Variants in ANAPC7 observed in about 807,000 individuals in gnomAD.
The protein encoded by ANAPC7 is anaphase promoting complex subunit 7.
Under a neutral mutation model 63.3 loss-of-function variants are expected in ANAPC7, and 25 were observed. The observed-to-expected ratio is 0.39, with a 90% CI of 0.29 to 0.55. The LOEUF is 0.55. Ranked by LOEUF, ANAPC7 falls within the 20% of genes least tolerant of loss-of-function variation. ANAPC7 has a pLI of 0.57. For missense variants in ANAPC7, 516 were observed against 691.7 expected (o/e 0.75, Z 2.85); for synonymous variants, 241 against 251.7 (o/e 0.96, Z 0.40).
In ANAPC7 at chr12:110,396,257, T is replaced by G; in HGVS notation, c.288+9A>C. On this transcript the variant is annotated intron_variant, in intron 2 of 10. Transcript: ENST00000455511. Reference sequence around the variant, plus strand: ...AAAAAAAAAAAATCACAATTCTATCTCCAATTACCTGACTTTGTGGAGTAG... The same window carrying G: ...AAAAAAAAAAAATCACAATTCTATCGCCAATTACCTGACTTTGTGGAGTAG... 1 of 1,566,058 alleles carries G rather than the reference T, an allele frequency of 6.4e-7. No homozygotes were observed. The highest frequency in any genetic ancestry group is 2.2e-5 in the East Asian group (1 of 44,530).
intron 8 of ANAPC7, among the ~76,000 whole-genome samples, chr12:110,380,856 T>C (rs1424548340): frequency 6.6e-6 from 1 of 150,846 alleles, no homozygotes; most frequent in Non-Finnish European, 1.5e-5. Context: ...GAGAATGGCA[T>C]TAACCCGGGA....
chr12:110,382,967 G>C lies in ANAPC7; in HGVS notation c.818-7C>G. On this transcript the variant is annotated splice_region_variant and splice_polypyrimidine_tract_variant and intron_variant, in intron 6 of 10. Transcript: ENST00000455511. ...TAGCCATATACATCCATTCCTAGAA[G>C]AGAAGGACATAGTGAGAAGAGGTGT... 1 of 1,607,356 alleles carries C rather than the reference G, an allele frequency of 6.2e-7. No individual in the cohort carries two copies. The highest frequency in any genetic ancestry group is 2.2e-5 in the East Asian group (1 of 44,764).
intron 9 of ANAPC7, 148 bp from the exon 10 acceptor site, chr12:110,376,364 A>C (rs901009986): frequency 9.3e-6 from 8 of 858,374 alleles, no homozygotes; most frequent in Non-Finnish European, 1.2e-5. Context: ...TCAGTTAAGA[A>C]ATTTTCCATC....
intron 8 of ANAPC7, 56 bp downstream of exon 8, chr12:110,381,696 G>C (rs1881857081): frequency 6.4e-7 from 1 of 1,554,100 alleles, no homozygotes; most frequent in Non-Finnish European, 8.8e-7. Flanking sequence ...CCTTCCATCT[G>C]AGGGCTGCTG....
chr12:110,373,980 A>T lies in ANAPC7; in HGVS notation c.*164T>A, dbSNP rs1309040709. On this transcript the variant is annotated 3_prime_UTR_variant, in exon 11 of 11. Coordinates refer to ENST00000455511, the MANE Select transcript of ANAPC7 (RefSeq NM_016238.3). ...TGGAAGGTTGGTCAGGCTCTGTTTT[A>T]GAAATGAAGTCACGACTAGGAATTG... The T allele has an allele frequency of 2.7e-6, 2 of 738,682 alleles. No individual in the cohort carries two copies. Among genetic ancestry groups the T allele is most frequent in the Admixed American group, 3.2e-5 (1 of 30,878 alleles). 45.8% of individuals were successfully genotyped at this position (738,682 alleles called of 1,614,324 possible). A position where few individuals can be genotyped will look rare whatever the true frequency, so the allele number is the denominator to read the frequency against.
chr12:110,382,461 A>AAATATATAT (rs1555289541), intron 7 of ANAPC7, among the ~76,000 whole-genome samples: 1 of 30,846 alleles, frequency 3.2e-5, no homozygotes, highest in Non-Finnish European at 6.1e-5. Context: ...AAAAAAAAAA[A>AAATATATAT]ATATATATAT....
intron 1 of ANAPC7, among the ~76,000 whole-genome samples, chr12:110,399,778 G>C (rs1483139044): frequency 7.2e-6 from 1 of 138,588 alleles, no homozygotes; most frequent in Non-Finnish European, 1.5e-5. Flanking sequence ...TGACGAGAGA[G>C]AGACTCTGTC....
chr12:110,387,063 C>T (rs1882514396), intron 5 of ANAPC7: 1 of 152,368 alleles, frequency 6.6e-6, no homozygotes, highest in African/African-American at 2.4e-5. Flanking sequence ...AATCCCATCT[C>T]TACAAAAACA....
intron 3 of ANAPC7, among the ~76,000 whole-genome samples, chr12:110,393,051 T>C (rs1883239120): frequency 6.6e-6 from 1 of 152,074 alleles, no homozygotes; most frequent in Admixed American, 6.6e-5. Context: ...CACCTCGGCC[T>C]CCCAAAGTGC....
At position 110,374,262 on chromosome 12, in the gene ANAPC7, G is replaced by T. The variant is rs1881053397; in HGVS notation, c.1580C>A (p.Ala527Asp). The T allele has an allele frequency of 6.2e-7, 1 of 1,613,982 alleles. No individual in the cohort carries two copies. Among genetic ancestry groups the T allele is most frequent in the African/African-American group, 1.3e-5 (1 of 74,918 alleles). Residue 527 changes from alanine (A) to aspartate (D), a missense_variant, in exon 11 of 11, where the codon GCC (alanine) becomes GAC (aspartate). By Grantham distance (126) the Ala-to-Asp change is moderately radical (BLOSUM62 -2). This residue lies in a region of ANAPC7 where 122 missense variants were observed against 212.0 expected (regional missense o/e 0.58). Coordinates refer to ENST00000455511, the MANE Select transcript of ANAPC7 (RefSeq NM_016238.3). ...GTCGTCCACATCCTCCTCCTGAGTG[G>T]CATCCGTGGGACTCTCCTCCTTCTC... The part of the protein sequence containing the change: ...KMEKEESPTD[A>D]TQEEDVDDME...
chr12:110,387,847 G>A lies in ANAPC7; in HGVS notation c.566C>T (p.Thr189Ile). Residue 189 changes from threonine to isoleucine, a missense_variant, in exon 5 of 11, where the codon ACA becomes ATA. Physicochemically the swap from Thr to Ile is moderately conservative, Grantham distance 89. Around this residue, in one of 4 missense-constraint regions of ANAPC7, gnomAD observed 10 missense variants for 30.1 expected, o/e 0.33. Coordinates refer to ENST00000455511, the MANE Select transcript of ANAPC7 (RefSeq NM_016238.3). The stretch of plus-strand genomic sequence containing the variant: ...AGGCACGGTTTGGATCACATTCATT[G>A]TCATGGATGCCACCTCTGCCCCTTT... ...SVKGAEVASM[T>I]MNVIQTVPNL... 1.2e-6 allele frequency: 2 copies of A among 1,614,112 alleles called. No homozygotes were observed. Among genetic ancestry groups the A allele is most frequent in the Non-Finnish European group, 1.7e-6 (2 of 1,180,016 alleles).
chr12:110,390,113 G>A (rs1882975724), intron 3 of ANAPC7, among the ~76,000 whole-genome samples: 1 of 151,714 alleles, frequency 6.6e-6, no homozygotes, highest in African/African-American at 2.4e-5. Context: ...TTGTCACCCA[G>A]GCTAGAGTGC....
rs761687318 is a variant in ANAPC7 at position 110,376,046 on chromosome 12, C to A, written c.1508+20G>T. ...TCTACCCTCCTCAGTGGCCTTCCCC[C>A]AAGGGAGGCTAGTGCCTACCTTAGT... On this transcript the variant is annotated intron_variant, in intron 10 of 10. Coordinates refer to ENST00000455511, the MANE Select transcript of ANAPC7 (RefSeq NM_016238.3). 3 of 1,602,640 alleles carry A rather than the reference C, an allele frequency of 1.9e-6. No homozygotes were observed. Among genetic ancestry groups the A allele is most frequent in the Middle Eastern group, 1.7e-4 (1 of 5,884 alleles).
intron 3 of ANAPC7, 104 bp from the exon 4 acceptor site, chr12:110,388,727 C>A (rs988886587): frequency 9.9e-5 from 81 of 819,252 alleles, no homozygotes; most frequent in Non-Finnish European, 1.4e-4. Flanking sequence ...TTACTTTTTA[C>A]TGGAAAATCT....
intron 2 of ANAPC7, 55 bp from the exon 3 acceptor site, chr12:110,395,275 C>A: frequency 3.3e-6 from 5 of 1,516,542 alleles, no homozygotes; most frequent in South Asian, 1.2e-5. Context: ...TATGACAGTT[C>A]TTCAAAACGT....
intron 3 of ANAPC7, among the ~76,000 whole-genome samples, chr12:110,390,783 GTTA>G (rs1484065207): frequency 2.6e-5 from 4 of 152,158 alleles, no homozygotes; most frequent in Non-Finnish European, 5.9e-5. Context: ...TTGACTGCTG[GTTA>G]TATTAACAAA....
chr12:110,394,329 A>G (rs1883369033), intron 3 of ANAPC7, among the ~76,000 whole-genome samples: 1 of 151,842 alleles, frequency 6.6e-6, no homozygotes, highest in Non-Finnish European at 1.5e-5. Context: ...TATCTCTACC[A>G]AAAATAAAAA....
chr12:110,381,043 C>T (rs1395595960), intron 8 of ANAPC7, among the ~76,000 whole-genome samples: 93 of 148,042 alleles, frequency 6.3e-4, no homozygotes, highest in Middle Eastern at 3.4e-3. Flanking sequence ...TGGATGGGGG[C>T]GAGCGGTGGG....
chr12:110,398,492 G>A (rs1474926361), intron 1 of ANAPC7, among the ~76,000 whole-genome samples: 1 of 152,044 alleles, frequency 6.6e-6, no homozygotes, highest in Non-Finnish European at 1.5e-5. Context: ...TCAGGACAGT[G>A]TAAAGGAACC....
Sources: gnomAD v4.1 joint callset for allele counts (sites outside exome capture counted in the v4.1 genomes callset) on GRCh38, gnomAD v4.1.1 for gene constraint, gnomAD v4.1.1 regional missense constraint, MANE v1.5 for transcripts, NCBI Gene and HGNC (gene_info 2026-07-23, HGNC 2026-07-21) for gene names.